Variants in AHCTF1 observed in about 807,000 individuals in gnomAD.
The protein encoded by AHCTF1 is AT-hook containing transcription factor 1.
Under a neutral mutation model 248.4 loss-of-function variants are expected in AHCTF1, and 24 were observed. The observed-to-expected ratio is 0.10, with a 90% CI of 0.07 to 0.14. The LOEUF (loss-of-function observed/expected upper bound fraction) is 0.14, where lower values mean the gene tolerates loss of function less well. Ranked by LOEUF, AHCTF1 falls within the 10% of genes least tolerant of loss-of-function variation. The pLI is 1.00. For missense variants in AHCTF1, 2,206 were observed against 2,636.2 expected (o/e 0.84, Z 3.57); for synonymous variants, 786 against 929.8 (o/e 0.85, Z 2.81).
intron 1 of AHCTF1, among the ~76,000 whole-genome samples, chr1:246,928,510 A>C (rs1004388349): frequency 6.6e-6 from 1 of 152,154 alleles, no homozygotes; most frequent in Admixed American, 6.6e-5. Context: ...GAGACAAGAA[A>C]TAGGCATGTT....
At chr1:246,931,227 C>T (rs1425437567) in intron 1 of AHCTF1, 1 of 1,550,116 alleles carries the variant, frequency 6.5e-7, no homozygotes, top group East Asian at 2.4e-5. Context: ...ACGAGTCCAT[C>T]GCGTGGGAGA....
At position 246,850,037 on chromosome 1, in the gene AHCTF1, G is replaced by A; in HGVS notation, c.5969C>T (p.Ala1990Val). 6.2e-7 allele frequency: 1 copy of A among 1,613,816 alleles called. No homozygotes were observed. Among genetic ancestry groups the A allele is most frequent in the Non-Finnish European group, 8.5e-7 (1 of 1,179,840 alleles). The change falls in exon 33 of 36, where the codon GCT (alanine) becomes GTT (valine). Residue 1990 changes from alanine to valine, a missense_variant. Ala to Val is a moderately conservative substitution (Grantham distance 64). Coordinates refer to ENST00000648844, the MANE Select transcript of AHCTF1 (RefSeq NM_001323342.2). ...CTTGGGGCTTCTCTCTTCCTTAACA[G>A]CCTTAGATCCTACATCTTCAGATGG... ...INPSEDVGSK[A>V]VKEERSPKKK...
chr1:246,906,517 G>C (rs1228120199), intron 5 of AHCTF1, among the ~76,000 whole-genome samples: 1 of 152,126 alleles, frequency 6.6e-6, no homozygotes, highest in Non-Finnish European at 1.5e-5. Context: ...GGGAAGTGGA[G>C]GTTGCAGTGA....
At position 246,839,609 on chromosome 1, in the gene AHCTF1, T is replaced by C; in HGVS notation, c.*1197A>G. The C allele has an allele frequency of 1.0e-6, 1 of 980,204 alleles. No homozygotes were observed. The highest frequency in any genetic ancestry group is 1.2e-6 in the Non-Finnish European group (1 of 824,738). 60.7% of individuals were successfully genotyped at this position (980,204 alleles called of 1,614,324 possible). A position where few individuals can be genotyped will look rare whatever the true frequency, so the allele number is the denominator to read the frequency against. ...GCATTTTCACCAATTTCTCATTATC[T>C]GTATTATTTGGTAGAAAAATAAATG... On this transcript the variant is annotated 3_prime_UTR_variant, in exon 36 of 36. Coordinates refer to ENST00000648844, the MANE Select transcript of AHCTF1 (RefSeq NM_001323342.2).
At chr1:246,863,666 T>C (rs1661740129) in intron 27 of AHCTF1, among the ~76,000 whole-genome samples, 1 of 152,126 alleles carries the variant, frequency 6.6e-6, no homozygotes, top group African/African-American at 2.4e-5. Context: ...AACCTGAAAG[T>C]ATTACAAAGG....
intron 16 of AHCTF1, among the ~76,000 whole-genome samples, chr1:246,890,715 A>C (rs953908674): frequency 7.2e-5 from 11 of 152,120 alleles, no homozygotes; most frequent in African/African-American, 2.7e-4. Context: ...GTTTTCTCAA[A>C]TTTGCTTTCC....
At chr1:246,917,468 G>A (rs890493082) in intron 2 of AHCTF1, among the ~76,000 whole-genome samples, 16 of 152,168 alleles carry the variant, frequency 1.1e-4, no homozygotes, top group African/African-American at 3.9e-4. Context: ...AAGGTTCCAA[G>A]ATCCTTTCTG....
intron 21 of AHCTF1, among the ~76,000 whole-genome samples, chr1:246,882,929 C>T (rs978145186): frequency 6.6e-6 from 1 of 152,182 alleles, no homozygotes; most frequent in Non-Finnish European, 1.5e-5. Flanking sequence ...ACTGAACTGC[C>T]TTTGATCCTA....
Position 246,877,045 on chromosome 1 carries a change from C to A in AHCTF1, c.2842G>T (p.Val948Phe). 6.2e-7 allele frequency: 1 copy of A among 1,612,152 alleles called. No homozygotes were observed. The highest frequency in any genetic ancestry group is 1.1e-5 in the South Asian group (1 of 90,990). Residue 948 changes from valine to phenylalanine, a missense_variant, in exon 23 of 36, where the codon GTT (valine) becomes TTT (phenylalanine). This residue lies in a region of AHCTF1 where 955 missense variants were observed against 1,055.6 expected (regional missense o/e 0.90). Coordinates refer to ENST00000648844, the MANE Select transcript of AHCTF1 (RefSeq NM_001323342.2). ...ACTAAAAGGAATTCATGATTCTGAACGCTGGCACTGGACTGCAAAAATTTC... is the reference window on the plus strand; with the variant it reads ...ACTAAAAGGAATTCATGATTCTGAAAGCTGGCACTGGACTGCAAAAATTTC... ...LVKFLQSSASVQNHEFLLVHH... is the reference protein window; with the variant it reads ...LVKFLQSSASFQNHEFLLVHH...
intron 1 of AHCTF1, among the ~76,000 whole-genome samples, chr1:246,924,355 G>A (rs1666783309): frequency 6.6e-6 from 1 of 152,036 alleles, no homozygotes; most frequent in African/African-American, 2.4e-5. Context: ...TTTAAACAGA[G>A]ATATCTGAAA....
intron 24 of AHCTF1, among the ~76,000 whole-genome samples, chr1:246,870,749 C>T (rs1418221033): frequency 6.8e-6 from 1 of 146,946 alleles, no homozygotes; most frequent in Non-Finnish European, 1.5e-5. Context: ...AAGCCCTAGG[C>T]TATTTAATTT....
chr1:246,892,625 T>C (rs569691068), intron 14 of AHCTF1, among the ~76,000 whole-genome samples: 1 of 151,884 alleles, frequency 6.6e-6, no homozygotes, highest in Non-Finnish European at 1.5e-5. Flanking sequence ...CCGACCTAAT[T>C]TGCTTTACTT....
chr1:246,915,281 G>A (rs1170117589), intron 3 of AHCTF1, among the ~76,000 whole-genome samples: 1 of 152,110 alleles, frequency 6.6e-6, no homozygotes, highest in Non-Finnish European at 1.5e-5. Flanking sequence ...AGTGAGCTGA[G>A]ATCGTGCCAC....
intron 15 of AHCTF1, 88 bp downstream of exon 15, chr1:246,891,691 C>T: frequency 7.4e-7 from 1 of 1,356,946 alleles, no homozygotes; most frequent in Non-Finnish European, 1.0e-6. Flanking sequence ...CATAATGATC[C>T]ATCTAAGACA....
intron 3 of AHCTF1, among the ~76,000 whole-genome samples, chr1:246,914,881 G>A (rs535891301): frequency 6.6e-6 from 1 of 152,224 alleles, no homozygotes; most frequent in South Asian, 2.1e-4. Flanking sequence ...TATGTGTTCT[G>A]AATCTGCCCC....
intron 26 of AHCTF1, 150 bp from the exon 27 acceptor site, chr1:246,864,266 G>A (rs1661791269): frequency 2.6e-6 from 2 of 774,882 alleles, no homozygotes; most frequent in Non-Finnish European, 4.0e-6. Context: ...GTGCTACCAT[G>A]CATTCAAAAA....
intron 30 of AHCTF1, among the ~76,000 whole-genome samples, chr1:246,856,243 T>C (rs1048909390): frequency 6.6e-6 from 1 of 152,224 alleles, no homozygotes; most frequent in African/African-American, 2.4e-5. Flanking sequence ...GTATGATAAA[T>C]GACTCAGAAT....
At position 246,840,943 on chromosome 1, in the gene AHCTF1, A is replaced by C; in HGVS notation, c.6664T>G (p.Ser2222Ala). 6.2e-7 allele frequency: 1 copy of C among 1,612,028 alleles called. No individual in the cohort carries two copies. Among genetic ancestry groups the C allele is most frequent in the Non-Finnish European group, 8.5e-7 (1 of 1,179,334 alleles). ...SPPPIEIRLI[S>A]PLASPADGVK... ...CCGTCAGCTGGGCTAGCCAAGGGGG[A>C]AATCAGCCGAATTTCTATGGGAGGA... Residue 2222 changes from serine (S) to alanine (A), a missense_variant, in exon 36 of 36, where the codon TCC becomes GCC. Physicochemically the swap from Ser to Ala is moderately conservative, Grantham distance 99. This residue lies in a region of AHCTF1 where 469 missense variants were observed against 470.0 expected (regional missense o/e 1.00). Transcript: ENST00000648844.
chr1:246,861,394 GT>G, intron 28 of AHCTF1, 99 bp from the exon 29 acceptor site: 4 of 1,104,574 alleles, frequency 3.6e-6, no homozygotes, highest in Non-Finnish European at 5.1e-6. Flanking sequence ...TTTCTTTGTT[GT>G]TTTTACCCAA....
Sources: gnomAD v4.1 joint callset for allele counts (sites outside exome capture counted in the v4.1 genomes callset) on GRCh38, gnomAD v4.1.1 for gene constraint, gnomAD v4.1.1 regional missense constraint, MANE v1.5 for transcripts, NCBI Gene and HGNC (gene_info 2026-07-23, HGNC 2026-07-21) for gene names.